AGAP1: variants seen among roughly 807,000 people sequenced by gnomAD.
AGAP1 encodes the protein ArfGAP with GTPase domain, ankyrin repeat and PH domain 1, also known as arf-GAP with GTPase, ANK repeat and PH domain-containing protein 1.
In AGAP1, 29 loss-of-function variants were observed where a neutral mutation model predicts 105.3. The ratio of observed to expected loss-of-function variants is 0.28; its 90% CI spans 0.21 to 0.38. AGAP1 has a LOEUF of 0.38. Ranked by LOEUF, AGAP1 falls within the 10% of genes least tolerant of loss-of-function variation. The pLI is 1.00. For synonymous variants in AGAP1, 509 were observed against 485.9 expected (o/e 1.05, Z -0.63); for missense variants, 998 against 1,165.1 (o/e 0.86, Z 2.09).
rs1437200565 is a variant in AGAP1 at position 235,888,110 on chromosome 2, G to A, written c.1155+4661G>A. Among the ~76,000 whole-genome samples the A allele has an allele frequency of 6.6e-6, 1 of 152,172 alleles. No individual in the cohort carries two copies. The highest frequency in any genetic ancestry group is 1.5e-5 in the Non-Finnish European group (1 of 68,026). On this transcript the variant is annotated intron_variant, in intron 10 of 17. Coordinates refer to ENST00000304032, the MANE Select transcript of AGAP1 (RefSeq NM_001037131.3). This position sits in a 1 kb window ranked among gnomAD's most constrained non-coding sequence, Gnocchi z 4.8. ...TTATCATGTTAAATTCAGGGAGCTG[G>A]GGAGAGGGTCTTGCACACAAGGAAC... is the stretch of plus-strand genomic sequence containing the variant.
rs563853399 is a variant in AGAP1 at position 235,799,127 on chromosome 2, C to G, written c.802-240C>G. Reference sequence around the variant, plus strand: ...CTTTTAAGTTAAATGAAAGAGACTTCTTTGTCTTCAGTCACTTTTCTCAGG... The same window carrying G: ...CTTTTAAGTTAAATGAAAGAGACTTGTTTGTCTTCAGTCACTTTTCTCAGG... On this transcript the variant is annotated intron_variant, in intron 7 of 17. Transcript: ENST00000304032. The surrounding 1 kb of genome is among the most constrained non-coding windows in gnomAD (Gnocchi z 5.0). Among the ~76,000 whole-genome samples the G allele has an allele frequency of 1.3e-5, 2 of 152,252 alleles. No individual in the cohort carries two copies. The highest frequency in any genetic ancestry group is 3.9e-4 in the East Asian group (2 of 5,186).
At chr2:235,702,776 A>G (rs1243288322) in intron 1 of AGAP1, among the ~76,000 whole-genome samples, 1 of 150,980 alleles carries the variant, frequency 6.6e-6, no homozygotes, top group African/African-American at 2.4e-5. Flanking sequence ...GTCTCCAAGC[A>G]GGAACATCTC....
chr2:235,686,640 TATATAGATATATATATA>T (rs1949435725), intron 1 of AGAP1, among the ~76,000 whole-genome samples: 2 of 48,654 alleles, frequency 4.1e-5, no homozygotes, highest in African/African-American at 2.1e-4. Flanking sequence ...TATATATATA[TATATAGATATATATATA>T]TATATATATT....
intron 9 of AGAP1, among the ~76,000 whole-genome samples, chr2:235,851,788 G>C (rs1257674323): frequency 6.6e-6 from 1 of 152,152 alleles, no homozygotes; most frequent in Non-Finnish European, 1.5e-5. Context: ...GGCTTTGGTA[G>C]CCTCCTGTTA....
chr2:235,989,750 T>C lies in AGAP1; in HGVS notation c.1645+21127T>C, dbSNP rs988145158. Among the ~76,000 whole-genome samples, 1 of 152,106 alleles carries C rather than the reference T, an allele frequency of 6.6e-6. No individual in the cohort carries two copies. The highest frequency in any genetic ancestry group is 1.5e-5 in the Non-Finnish European group (1 of 68,012). Reference sequence around the variant, plus strand: ...GGAGGTGGGTCAGTGGGAGGAGGACTGAAGACATTGGCAAGCATCAGTCCG... The same window carrying C: ...GGAGGTGGGTCAGTGGGAGGAGGACCGAAGACATTGGCAAGCATCAGTCCG... On this transcript the variant is annotated intron_variant, in intron 13 of 17. Coordinates refer to ENST00000304032, the MANE Select transcript of AGAP1 (RefSeq NM_001037131.3). The surrounding 1 kb of genome is among the most constrained non-coding windows in gnomAD (Gnocchi z 4.4).
chr2:236,016,859 G>C (rs11896451), intron 13 of AGAP1, among the ~76,000 whole-genome samples: 1,817 of 152,234 alleles, frequency 0.012, 37 homozygotes, highest in African/African-American at 0.041. Context: ...CTCAGTTATA[G>C]TAAGTTTCTG....
chr2:236,052,564 T>G (rs548050252), intron 16 of AGAP1, among the ~76,000 whole-genome samples: 1 of 152,250 alleles, frequency 6.6e-6, no homozygotes, highest in South Asian at 2.1e-4. Context: ...TTGAGCAGCA[T>G]CATGATCAAT....
chr2:235,523,334 TC>T (rs1446172980), intron 1 of AGAP1, among the ~76,000 whole-genome samples: 1 of 152,174 alleles, frequency 6.6e-6, no homozygotes, highest in Non-Finnish European at 1.5e-5. Flanking sequence ...AGGGTGCAGT[TC>T]TTCAGCTGGA....
chr2:235,861,700 C>A (rs1390185795), intron 9 of AGAP1, among the ~76,000 whole-genome samples: 1 of 152,176 alleles, frequency 6.6e-6, no homozygotes, highest in African/African-American at 2.4e-5. Context: ...GACTGCTTGT[C>A]TGTAGAAAGA....
chr2:235,739,811 C>T lies in AGAP1; in HGVS notation c.311-1152C>T, dbSNP rs138421663. 1.4e-3 allele frequency among the ~76,000 whole-genome samples: 207 copies of T among 152,304 alleles called. No individual in the cohort carries two copies. Among genetic ancestry groups the T allele is most frequent in the African/African-American group, 4.8e-3 (199 of 41,582 alleles). ...ACTCTGATTTTTTGCTTCTCAGGCACTGATGTGGTTCAGACCCAGGATTCT... is the reference window on the plus strand; with the variant it reads ...ACTCTGATTTTTTGCTTCTCAGGCATTGATGTGGTTCAGACCCAGGATTCT... On this transcript the variant is annotated intron_variant, in intron 3 of 17. Transcript: ENST00000304032. This position sits in a 1 kb window ranked among gnomAD's most constrained non-coding sequence, Gnocchi z 5.3.
chr2:235,862,749 G>T (rs192526099), intron 9 of AGAP1, among the ~76,000 whole-genome samples: 1 of 152,282 alleles, frequency 6.6e-6, no homozygotes, highest in East Asian at 1.9e-4. Context: ...TGCCTTCACA[G>T]ACCATATGCA....
In AGAP1 at chr2:236,072,126, T is replaced by TG. The variant is rs2058513532; in HGVS notation, c.2114+22845_2114+22846insG. 7.4e-5 allele frequency among the ~76,000 whole-genome samples: 4 copies of TG among 53,946 alleles called. No individual in the cohort carries two copies. In the South Asian group the frequency reaches 2.9e-3, roughly 39 times the overall value. The allele number at this position is 53,946 out of a possible 152,430, so 35.4% of individuals were successfully genotyped here. ...CTCCAAAAGTAGTCTTCGTTGTGGG[T>TG]TTTTTTTTTTTTTTTTTTTTTTAGA... On this transcript the variant is annotated intron_variant, in intron 16 of 17. Transcript: ENST00000304032.
At chr2:235,943,531 G>A (rs2053359201) in intron 12 of AGAP1, among the ~76,000 whole-genome samples, 1 of 152,024 alleles carries the variant, frequency 6.6e-6, no homozygotes, top group Non-Finnish European at 1.5e-5. Flanking sequence ...TGTATTTTTA[G>A]TAGAGACGGG....
chr2:236,076,897 G>A lies in AGAP1; in HGVS notation c.2114+27616G>A, dbSNP rs868520673. Among the ~76,000 whole-genome samples the A allele has an allele frequency of 2.0e-5, 3 of 151,784 alleles. No homozygotes were observed. Among genetic ancestry groups the A allele is most frequent in the African/African-American group, 7.2e-5 (3 of 41,414 alleles). On this transcript the variant is annotated intron_variant, in intron 16 of 17. Transcript: ENST00000304032. The surrounding 1 kb of genome is among the most constrained non-coding windows in gnomAD (Gnocchi z 4.4). ...AAGGTGGGCAGATTGCTTGAGCCTA[G>A]GAGTTCAAGACCAGCCAGGGCAACA...
At chr2:235,637,559 G>A (rs548765088) in intron 1 of AGAP1, among the ~76,000 whole-genome samples, 6 of 152,034 alleles carry the variant, frequency 3.9e-5, no homozygotes, top group Non-Finnish European at 8.8e-5. Context: ...TGGGATTACA[G>A]GTATGAGCCA....
At position 236,078,205 on chromosome 2, in the gene AGAP1, T is replaced by C. The variant is rs1020063807; in HGVS notation, c.2114+28924T>C. 3.3e-5 allele frequency among the ~76,000 whole-genome samples: 5 copies of C among 151,838 alleles called. No homozygotes were observed. The highest frequency in any genetic ancestry group is 4.8e-5 in the African/African-American group (2 of 41,362). On this transcript the variant is annotated intron_variant, in intron 16 of 17. Coordinates refer to ENST00000304032, the MANE Select transcript of AGAP1 (RefSeq NM_001037131.3). This position sits in a 1 kb window ranked among gnomAD's most constrained non-coding sequence, Gnocchi z 5.3. ...GTATGTGTGTGTGTCACATCTGAAG[T>C]GTGTAGTGCAGGCCGGCGTTCTGGA...
chr2:235,546,462 AAG>A (rs1943624943), intron 1 of AGAP1, among the ~76,000 whole-genome samples: 1 of 152,210 alleles, frequency 6.6e-6, no homozygotes, highest in South Asian at 2.1e-4. Context: ...GCGTCCTATC[AAG>A]AGAAGGAATT....
chr2:236,040,753 C>T lies in AGAP1; in HGVS notation c.1803C>T (p.Ser601=). The change falls in exon 15 of 18, where the codon TCC becomes TCT. Residue 601 remains serine, a splice_region_variant and synonymous_variant. Transcript: ENST00000304032. The surrounding 1 kb of genome is among the most constrained non-coding windows in gnomAD (Gnocchi z 5.6). ...TTTGTGTCTTCCTCCGTGCCCAGTC[C>T]CGGCTGACGAGCCAGAGCGAGGCCA... is the stretch of plus-strand genomic sequence containing the variant. ...LQSCESSKNK[S]RLTSQSEAMA... The T allele has an allele frequency of 2.5e-6, 4 of 1,613,160 alleles. No homozygotes were observed. Among genetic ancestry groups the T allele is most frequent in the Non-Finnish European group, 3.4e-6 (4 of 1,180,028 alleles).
chr2:236,021,152 C>T (rs1360459819), intron 13 of AGAP1, among the ~76,000 whole-genome samples: 2 of 123,714 alleles, frequency 1.6e-5, no homozygotes, highest in Non-Finnish European at 3.3e-5. Flanking sequence ...GGCGACAGAG[C>T]AAGATTCTGT....
Sources: gnomAD v4.1 joint callset for allele counts (sites outside exome capture counted in the v4.1 genomes callset) on GRCh38, gnomAD v4.1.1 for gene constraint, Gnocchi (gnomAD v3.1) non-coding constraint, MANE v1.5 for transcripts, NCBI Gene and HGNC (gene_info 2026-07-23, HGNC 2026-07-21) for gene names.